The following SYNPR variants were observed in gnomAD, a reference collection of about 807,000 sequenced individuals.
SYNPR encodes the protein synaptoporin.
A neutral mutation model predicts 32.9 loss-of-function variants in SYNPR; 23 were observed. The observed-to-expected ratio is 0.70, with a 90% CI of 0.50 to 0.99. The LOEUF (loss-of-function observed/expected upper bound fraction) is 0.99. SYNPR is among the 50% of genes least tolerant of loss of function. The pLI, the probability that SYNPR is intolerant of heterozygous loss-of-function variation, is 0.00. For synonymous variants in SYNPR, 146 were observed against 135.9 expected (o/e 1.07, Z -0.52); for missense variants, 318 against 349.3 (o/e 0.91, Z 0.71).
At chr3:63,343,235 A>C (rs2087390894) in intron 2 of SYNPR, among the ~76,000 whole-genome samples, 1 of 152,236 alleles carries the variant, frequency 6.6e-6, no homozygotes, top group Non-Finnish European at 1.5e-5. Flanking sequence ...GAAGGCACTT[A>C]GGTACTGTAG....
intron 2 of SYNPR, among the ~76,000 whole-genome samples, chr3:63,387,559 T>C (rs17068429): frequency 0.11 from 16,921 of 152,204 alleles, 1,432 homozygotes; most frequent in East Asian, 0.44. Context: ...TTTACATCTC[T>C]TCAGCAGCCA....
upstream of SYNPR, among the ~76,000 whole-genome samples, chr3:63,275,903 A>G (rs2086570080): frequency 6.6e-6 from 1 of 152,194 alleles, no homozygotes; most frequent in African/African-American, 2.4e-5. Context: ...CCATGAGATC[A>G]TACGAACCTA....
At chr3:63,340,673 C>T (rs2087357943) in intron 2 of SYNPR, among the ~76,000 whole-genome samples, 1 of 152,112 alleles carries the variant, frequency 6.6e-6, no homozygotes, top group Non-Finnish European at 1.5e-5. Flanking sequence ...CCCGCCTCGG[C>T]CTCCCAAAGT....
intron 3 of SYNPR, among the ~76,000 whole-genome samples, chr3:63,542,442 T>C (rs1702322723): frequency 6.6e-6 from 1 of 152,134 alleles, no homozygotes; most frequent in Non-Finnish European, 1.5e-5. Context: ...CCTCAGTCTC[T>C]GACTTCCCTT....
At chr3:63,418,681 G>A (rs912787495) in intron 2 of SYNPR, among the ~76,000 whole-genome samples, 3 of 152,166 alleles carry the variant, frequency 2.0e-5, no homozygotes, top group African/African-American at 4.8e-5. Context: ...GCAGCAGGCA[G>A]AGAGTTTTGC....
chr3:63,570,675 T>C (rs1220124047), intron 4 of SYNPR, among the ~76,000 whole-genome samples: 2 of 152,174 alleles, frequency 1.3e-5, no homozygotes, highest in Non-Finnish European at 2.9e-5. Context: ...CCCAAAGATA[T>C]GTGATTTCTC....
intron 2 of SYNPR, among the ~76,000 whole-genome samples, chr3:63,305,576 T>C (rs901720748): frequency 6.6e-6 from 1 of 152,020 alleles, no homozygotes; most frequent in Non-Finnish European, 1.5e-5. Context: ...TTGTGATAAA[T>C]AACAACCTGG....
At chr3:63,323,561 T>C (rs1440895702) in intron 2 of SYNPR, among the ~76,000 whole-genome samples, 1 of 152,090 alleles carries the variant, frequency 6.6e-6, no homozygotes, top group African/African-American at 2.4e-5. Flanking sequence ...TTTTTTGGCA[T>C]TGTTTTTTGC....
chr3:63,465,249 TA>T (rs1700654869), intron 2 of SYNPR, among the ~76,000 whole-genome samples: 1 of 152,076 alleles, frequency 6.6e-6, no homozygotes, highest in Admixed American at 6.6e-5. Flanking sequence ...GAGGCAGAAC[TA>T]AATGGGTCCT....
intron 3 of SYNPR, among the ~76,000 whole-genome samples, chr3:63,536,348 A>C (rs943997417): frequency 1.3e-5 from 2 of 152,168 alleles, no homozygotes; most frequent in African/African-American, 4.8e-5. Context: ...CAAATAGCCA[A>C]AAAGCACATT....
At chr3:63,236,151 T>C (rs1372889849) in intron 1 of SYNPR, among the ~76,000 whole-genome samples, 1 of 152,060 alleles carries the variant, frequency 6.6e-6, no homozygotes, top group African/African-American at 2.4e-5. Flanking sequence ...TTCAATGCAT[T>C]GCTTTTTTGC....
Position 63,398,449 on chromosome 3 carries a change from G to A in SYNPR, c.85-82383G>A, listed in dbSNP as rs187276035. Reference sequence around the variant, plus strand: ...TAACAGTGTACTTTTGGCCAGGCGCGGTGGCTCACGCCTGTAATCCCAGCA... The same window carrying A: ...TAACAGTGTACTTTTGGCCAGGCGCAGTGGCTCACGCCTGTAATCCCAGCA... On this transcript the variant is annotated intron_variant, in intron 2 of 5. Transcript: ENST00000478300. Among the ~76,000 whole-genome samples, 317 of 152,108 alleles carry A rather than the reference G, an allele frequency of 2.1e-3. 1 individual carries two copies. The highest frequency in any genetic ancestry group is 3.4e-3 in the Middle Eastern group (1 of 294).
intron 4 of SYNPR, among the ~76,000 whole-genome samples, chr3:63,595,196 GA>G (rs1040550882): frequency 2.0e-5 from 3 of 152,128 alleles, no homozygotes. Flanking sequence ...ATCCAAAATG[GA>G]AAAGTCCTAA....
intron 3 of SYNPR, among the ~76,000 whole-genome samples, chr3:63,519,312 A>C (rs1376007307): frequency 6.6e-6 from 1 of 152,220 alleles, no homozygotes; most frequent in Non-Finnish European, 1.5e-5. Flanking sequence ...TGAAAGAGTC[A>C]TTCATCCTTT....
chr3:63,239,165 T>C (rs958804930), intron 1 of SYNPR, among the ~76,000 whole-genome samples: 1 of 152,118 alleles, frequency 6.6e-6, no homozygotes, highest in African/African-American at 2.4e-5. Flanking sequence ...ATTCAACATA[T>C]GTCTTTGCTG....
At chr3:63,241,458 C>A (rs983901098) in intron 1 of SYNPR, among the ~76,000 whole-genome samples, 2 of 152,080 alleles carry the variant, frequency 1.3e-5, no homozygotes, top group Non-Finnish European at 1.5e-5. Context: ...AATTCTATTT[C>A]TCTTGCCATT....
intron 3 of SYNPR, among the ~76,000 whole-genome samples, chr3:63,513,518 C>G (rs1701736750): frequency 6.6e-6 from 1 of 152,078 alleles, no homozygotes; most frequent in Admixed American, 6.6e-5. Context: ...TTAGCCAAGT[C>G]CCCTGTTGAT....
At chr3:63,501,259 G>C (rs1294572336) in intron 3 of SYNPR, among the ~76,000 whole-genome samples, 1 of 152,042 alleles carries the variant, frequency 6.6e-6, no homozygotes, top group Non-Finnish European at 1.5e-5. Flanking sequence ...TGGGCAGATT[G>C]CTTGATCTCA....
chr3:63,450,880 C>T (rs916637231), intron 2 of SYNPR, among the ~76,000 whole-genome samples: 1 of 152,112 alleles, frequency 6.6e-6, no homozygotes, highest in Admixed American at 6.6e-5. Flanking sequence ...TTATCGAGAC[C>T]CTTGGCACAT....
Sources: allele counts gnomAD v4.1 joint callset (sites outside exome capture counted in the v4.1 genomes callset), GRCh38; gene constraint gnomAD v4.1.1; transcripts MANE v1.5; gene names NCBI Gene and HGNC (gene_info 2026-07-23, HGNC 2026-07-21).